The following DDR1 variants were observed in gnomAD, a reference collection of about 807,000 sequenced individuals.
DDR1 encodes the protein epithelial discoidin domain-containing receptor 1.
In DDR1, 64 loss-of-function variants were observed where a neutral mutation model predicts 97.4. The observed-to-expected ratio is 0.66, with a 90% CI of 0.54 to 0.81. DDR1 has a LOEUF of 0.81. DDR1 is among the 30% of genes least tolerant of loss of function. The pLI is 0.00. For missense variants in DDR1, 990 were observed against 1,259.6 expected, an observed-to-expected ratio of 0.79 and a Z score of 3.24; for synonymous variants, 458 against 503.7, an observed-to-expected ratio of 0.91 and a Z score of 1.21.
Position 30,894,703 on chromosome 6 carries a change from G to A in DDR1, c.1513+32G>A. ...CCTGCCTTGTTCCAGTCGCACCTCT[G>A]TCCTCTCTGCTGTTTTCTTATTGTA... On this transcript the variant is annotated intron_variant, in intron 11 of 17. Coordinates refer to ENST00000376568, the MANE Select transcript of DDR1 (RefSeq NM_001297654.2). The surrounding 1 kb of genome is among the most constrained non-coding windows in gnomAD (Gnocchi z 5.7). The A allele has an allele frequency of 6.5e-7, 1 of 1,533,786 alleles. No individual in the cohort carries two copies. The highest frequency in any genetic ancestry group is 1.3e-5 in the South Asian group (1 of 79,856).
At position 30,886,337 on chromosome 6, in the gene DDR1, C is replaced by T. The variant is rs1469455054; in HGVS notation, c.-43+1627C>T. On this transcript the variant is annotated intron_variant, in intron 1 of 17. Coordinates refer to ENST00000376568, the MANE Select transcript of DDR1 (RefSeq NM_001297654.2). This position sits in a 1 kb window ranked among gnomAD's most constrained non-coding sequence, Gnocchi z 4.6. ...AGAGAGGTGGGGTTGGAGAGCGGCA[C>T]CCAGGAATTCCAAGCCAGTCTCCTG... Among the ~76,000 whole-genome samples the T allele has an allele frequency of 1.3e-5, 2 of 152,074 alleles. No homozygotes were observed. Among genetic ancestry groups the T allele is most frequent in the Admixed American group, 1.3e-4 (2 of 15,278 alleles).
In DDR1 at chr6:30,899,301, C is replaced by T; in HGVS notation, c.*5C>T. The stretch of plus-strand genomic sequence containing the variant: ...GATGCACTCAACACGGTGTGAATCA[C>T]ACATCCAGCTGCCCCTCCCTCAGGG... On this transcript the variant is annotated 3_prime_UTR_variant, in exon 18 of 18. Coordinates refer to ENST00000376568, the MANE Select transcript of DDR1 (RefSeq NM_001297654.2). 1.2e-6 allele frequency: 2 copies of T among 1,602,830 alleles called. No homozygotes were observed. The highest frequency in any genetic ancestry group is 4.5e-5 in the East Asian group (2 of 44,606).
chr6:30,897,588 C>T lies in DDR1; in HGVS notation c.2207C>T (p.Pro736Leu). Residue 736 changes from proline to leucine, a missense_variant, in exon 15 of 18, where the codon CCC (proline) becomes CTC (leucine). Pro to Leu is a moderately conservative substitution (Grantham distance 98). Coordinates refer to ENST00000376568, the MANE Select transcript of DDR1 (RefSeq NM_001297654.2). This position sits in a 1 kb window ranked among gnomAD's most constrained non-coding sequence, Gnocchi z 5.2. Reference sequence around the variant, plus strand: ...GGGGACGGGCAGGCTGCGCAGGGGCCCACCATCAGGTACCTGCTTACCCAG... The same window carrying T: ...GGGGACGGGCAGGCTGCGCAGGGGCTCACCATCAGGTACCTGCTTACCCAG... ...APGDGQAAQG[P>L]TISYPMLLHV... The T allele has an allele frequency of 6.2e-7, 1 of 1,610,634 alleles. No homozygotes were observed. Among genetic ancestry groups the T allele is most frequent in the Non-Finnish European group, 8.5e-7 (1 of 1,179,592 alleles).
chr6:30,899,281 A>C lies in DDR1; in HGVS notation c.2727A>C (p.Ala909=), dbSNP rs2150487516. 6.2e-7 allele frequency: 1 copy of C among 1,612,342 alleles called. No homozygotes were observed. The highest frequency in any genetic ancestry group is 8.5e-7 in the Non-Finnish European group (1 of 1,178,844). Residue 909 remains alanine (A), a synonymous_variant, in exon 18 of 18, where the codon GCA becomes GCC. Coordinates refer to ENST00000376568, the MANE Select transcript of DDR1 (RefSeq NM_001297654.2). ...SQLHRFLAED[A]LNTV Reference sequence around the variant, plus strand: ...TGCATCGGTTCCTGGCAGAGGATGCACTCAACACGGTGTGAATCACACATC... The same window carrying C: ...TGCATCGGTTCCTGGCAGAGGATGCCCTCAACACGGTGTGAATCACACATC...
At chr6:30,882,149 G>A (rs952318086), upstream of DDR1, among the ~76,000 whole-genome samples, 1 of 152,206 alleles carries the variant, frequency 6.6e-6, no homozygotes, top group Non-Finnish European at 1.5e-5. The surrounding 1 kb of genome is among the most constrained non-coding windows in gnomAD (Gnocchi z 4.8). Flanking sequence ...GGCCCATCTG[G>A]TCCGTCCTCT....
rs1324655178 is a variant in DDR1, at chr6:30,889,148, G to C, written c.189-54G>C. The C allele has an allele frequency of 1.2e-5, 19 of 1,597,712 alleles. No homozygotes were observed. Among genetic ancestry groups the C allele is most frequent in the Non-Finnish European group, 1.3e-5 (15 of 1,166,826 alleles). On this transcript the variant is annotated intron_variant, in intron 3 of 17. Transcript: ENST00000376568. This position sits in a 1 kb window ranked among gnomAD's most constrained non-coding sequence, Gnocchi z 4.9. ...CAAATGAAGTGGGGTTTAAATACTGGAGATGGAGGCAGACCTGGGGCCAGA... is the reference window on the plus strand; with the variant it reads ...CAAATGAAGTGGGGTTTAAATACTGCAGATGGAGGCAGACCTGGGGCCAGA...
At position 30,897,360 on chromosome 6, in the gene DDR1, G is replaced by C; in HGVS notation, c.1998-19G>C. 1 of 1,613,564 alleles carries C rather than the reference G, an allele frequency of 6.2e-7. No homozygotes were observed. The highest frequency in any genetic ancestry group is 1.1e-5 in the South Asian group (1 of 91,022). ...GCCGCCCACTCGGCATTCCTCTTCA[G>C]CTTCTCCTTGTTCTCCAGGAATGAT... On this transcript the variant is annotated intron_variant, in intron 14 of 17. Coordinates refer to ENST00000376568, the MANE Select transcript of DDR1 (RefSeq NM_001297654.2). The surrounding 1 kb of genome is among the most constrained non-coding windows in gnomAD (Gnocchi z 5.2).
At chr6:30,882,381 T>G (rs1466196596), upstream of DDR1, among the ~76,000 whole-genome samples, 6 of 152,178 alleles carry the variant, frequency 3.9e-5, no homozygotes, top group Non-Finnish European at 7.4e-5. The surrounding 1 kb of genome is among the most constrained non-coding windows in gnomAD (Gnocchi z 4.8). Context: ...ACAGGGGGCC[T>G]CTGGGGTTCG....
rs920679789 is a variant in DDR1 at position 30,884,965 on chromosome 6, A to G, written c.-43+255A>G. The G allele has an allele frequency of 2.1e-6, 1 of 473,026 alleles. No homozygotes were observed. Among genetic ancestry groups the G allele is most frequent in the Non-Finnish European group, 3.8e-6 (1 of 262,858 alleles). The allele number at this position is 473,026 out of a possible 1,614,324, so 29.3% of individuals were successfully genotyped here. A position where few individuals can be genotyped will look rare whatever the true frequency, so the allele number is the denominator to read the frequency against. The stretch of plus-strand genomic sequence containing the variant: ...GTTTTGAGCCTCCAGCCTTGAGGCA[A>G]GTCCCCTCTCACTCAGTGCGGAGGA... On this transcript the variant is annotated intron_variant, in intron 1 of 17. Coordinates refer to ENST00000376568, the MANE Select transcript of DDR1 (RefSeq NM_001297654.2). This position sits in a 1 kb window ranked among gnomAD's most constrained non-coding sequence, Gnocchi z 6.1.
Position 30,899,186 on chromosome 6 carries a change from C to A in DDR1, c.2632C>A (p.Gln878Lys). 9 of 1,614,248 alleles carry A rather than the reference C, an allele frequency of 5.6e-6. No individual in the cohort carries two copies. The highest frequency in any genetic ancestry group is 7.6e-6 in the Non-Finnish European group (9 of 1,180,036). ...CCTGTCCCGGCCGCCTGCCTGCCCG[C>A]AGGGCCTATATGAGCTGATGCTTCG... ...VYLSRPPACP[Q>K]GLYELMLRCW... Residue 878 changes from glutamine to lysine, a missense_variant, in exon 18 of 18, where the codon CAG becomes AAG. Physicochemically the swap from Gln to Lys is moderately conservative, Grantham distance 53 (BLOSUM62 1). Coordinates refer to ENST00000376568, the MANE Select transcript of DDR1 (RefSeq NM_001297654.2).
chr6:30,881,601 C>A (rs529018452), upstream of DDR1, among the ~76,000 whole-genome samples: 1 of 152,292 alleles, frequency 6.6e-6, no homozygotes, highest in African/African-American at 2.4e-5. Flanking sequence ...CAGTTCCCTG[C>A]CTTCCTCTCT....
chr6:30,899,324 G>A lies in DDR1; in HGVS notation c.*28G>A. 6.3e-7 allele frequency: 1 copy of A among 1,593,798 alleles called. No homozygotes were observed. Among genetic ancestry groups the A allele is most frequent in the Non-Finnish European group, 8.6e-7 (1 of 1,167,792 alleles). On this transcript the variant is annotated 3_prime_UTR_variant, in exon 18 of 18. Coordinates refer to ENST00000376568, the MANE Select transcript of DDR1 (RefSeq NM_001297654.2). The stretch of plus-strand genomic sequence containing the variant: ...CACACATCCAGCTGCCCCTCCCTCA[G>A]GGAGCGATCCAGGGGAAGCCAGTGA...
chr6:30,888,067 A>C lies in DDR1; in HGVS notation c.-42-621A>C, dbSNP rs1319293846. Among the ~76,000 whole-genome samples, 1 of 151,852 alleles carries C rather than the reference A, an allele frequency of 6.6e-6. No homozygotes were observed. The highest frequency in any genetic ancestry group is 1.5e-5 in the Non-Finnish European group (1 of 67,982). On this transcript the variant is annotated intron_variant, in intron 1 of 17. Transcript: ENST00000376568. This position sits in a 1 kb window ranked among gnomAD's most constrained non-coding sequence, Gnocchi z 4.2. ...GCCTCCCTTTTCATCACTTTCTACC[A>C]CTTTTATATGTTACAGCCTTAAAAA...
chr6:30,894,883 A>G lies in DDR1; in HGVS notation c.1513+212A>G, dbSNP rs983146182. ...ATTACCCATAGTCCCCCGTGGTGCTATCTTGTCTGTGTCCCACAGACATCT... is the reference window on the plus strand; with the variant it reads ...ATTACCCATAGTCCCCCGTGGTGCTGTCTTGTCTGTGTCCCACAGACATCT... On this transcript the variant is annotated intron_variant, in intron 11 of 17. Transcript: ENST00000376568. This position sits in a 1 kb window ranked among gnomAD's most constrained non-coding sequence, Gnocchi z 5.7. Among the ~76,000 whole-genome samples, 1 of 151,954 alleles carries G rather than the reference A, an allele frequency of 6.6e-6. No individual in the cohort carries two copies. The highest frequency in any genetic ancestry group is 2.4e-5 in the African/African-American group (1 of 41,322).
Position 30,888,700 on chromosome 6 carries a change from C to T in DDR1, c.-30C>T, listed in dbSNP as rs781273110. The T allele has an allele frequency of 3.7e-6, 6 of 1,612,304 alleles. No homozygotes were observed. Among genetic ancestry groups the T allele is most frequent in the Non-Finnish European group, 4.2e-6 (5 of 1,179,738 alleles). On this transcript the variant is annotated 5_prime_UTR_variant, in exon 2 of 18. Transcript: ENST00000376568. This position sits in a 1 kb window ranked among gnomAD's most constrained non-coding sequence, Gnocchi z 4.2. The stretch of plus-strand genomic sequence containing the variant: ...TTATCCCCTGCAGAGATGCTGCCCC[C>T]ACCCCCTTAGGCCCGAGGGATCAGG...
intron 11 of DDR1, among the ~76,000 whole-genome samples, chr6:30,895,055 T>A (rs1790191842): frequency 6.6e-6 from 1 of 152,104 alleles, no homozygotes; most frequent in Middle Eastern, 3.2e-3. Flanking sequence ...CAATCTTCCA[T>A]CATCTGTCTT....
intron 11 of DDR1, among the ~76,000 whole-genome samples, 157 bp from the exon 12 acceptor site, chr6:30,895,247 C>T (rs1790281548): frequency 6.6e-6 from 1 of 152,198 alleles, no homozygotes; most frequent in African/African-American, 2.4e-5. Flanking sequence ...ATTATCCAGC[C>T]AGCCGTCCGT....
chr6:30,885,959 G>C (rs1395979465), intron 1 of DDR1: 3 of 544,620 alleles, frequency 5.5e-6, no homozygotes, highest in African/African-American at 1.9e-5. Flanking sequence ...GGAGTGGAAG[G>C]GGGTGGGATT....
chr6:30,898,007 C>T (rs578146664), intron 15 of DDR1, 66 bp from the exon 16 acceptor site: 10 of 1,309,352 alleles, frequency 7.6e-6, no homozygotes, highest in Middle Eastern at 1.8e-4. Flanking sequence ...AGTGGGCTCT[C>T]TCTCCTCTCC....
Sources: gnomAD v4.1 joint callset for allele counts (sites outside exome capture counted in the v4.1 genomes callset) on GRCh38, gnomAD v4.1.1 for gene constraint, Gnocchi (gnomAD v3.1) non-coding constraint, MANE v1.5 for transcripts, NCBI Gene and HGNC (gene_info 2026-07-23, HGNC 2026-07-21) for gene names.